The following TBC1D7 variants were observed in gnomAD, a reference collection of about 807,000 sequenced individuals.
TBC1D7 encodes TBC domain family 7.
In TBC1D7, 33 loss-of-function variants were observed where a neutral mutation model predicts 35.3. The observed-to-expected ratio is 0.93, with a 90% CI of 0.71 to 1.25. The LOEUF (loss-of-function observed/expected upper bound fraction) is 1.25. Ranked by LOEUF, TBC1D7 falls within the 50% of genes most tolerant of loss-of-function variation. TBC1D7 has a pLI of 0.00. For synonymous variants in TBC1D7, 135 were observed against 129.5 expected, an observed-to-expected ratio of 1.04 and a Z score of -0.29; for missense variants, 362 against 365.3, an observed-to-expected ratio of 0.99 and a Z score of 0.07.
intron 4 of TBC1D7, among the ~76,000 whole-genome samples, chr6:13,317,048 A>G (rs1266833957): frequency 6.6e-6 from 1 of 152,224 alleles, no homozygotes; most frequent in Admixed American, 6.5e-5. Context: ...CTAGGTGAGG[A>G]TATCTTTGAA....
chr6:13,321,047 CGATA>C lies in TBC1D7; in HGVS notation c.238_241del (p.Tyr80ValfsTer12), dbSNP rs778108464. ...AAGGACATCCAAGTACTGCTCCTTACGATACATCATCACCTTGGCATGGGACTCG... is the reference window on the plus strand; with the variant it reads ...AAGGACATCCAAGTACTGCTCCTTACCATCATCACCTTGGCATGGGACTCG... On this transcript the variant is annotated frameshift_variant, in exon 4 of 8. Coordinates refer to ENST00000379300, the MANE Select transcript of TBC1D7 (RefSeq NM_016495.6). LOFTEE classifies it high-confidence loss of function. 2 of 1,614,080 alleles carry C rather than the reference CGATA, an allele frequency of 1.2e-6. No individual in the cohort carries two copies. Among genetic ancestry groups the C allele is most frequent in the East Asian group, 4.5e-5 (2 of 44,880 alleles).
chr6:13,325,458 T>C (rs1470974273), intron 2 of TBC1D7, among the ~76,000 whole-genome samples: 2 of 151,928 alleles, frequency 1.3e-5, no homozygotes, highest in Non-Finnish European at 2.9e-5. Context: ...AGGTCAGGAG[T>C]TTGGGACCAG....
chr6:13,321,157 A>T, intron 3 of TBC1D7, 62 bp from the exon 4 acceptor site: 1 of 1,464,208 alleles, frequency 6.8e-7, no homozygotes, highest in Non-Finnish European at 9.3e-7. Flanking sequence ...CAAATCCCTC[A>T]TCTATGAAAG....
chr6:13,305,533 A>G (rs1378532239), intron 7 of TBC1D7: 4 of 331,116 alleles, frequency 1.2e-5, no homozygotes, highest in Non-Finnish European at 2.3e-5. Flanking sequence ...AATACTTAGC[A>G]CAGGCTTCGC....
chr6:13,320,674 T>C (rs1307247077), intron 4 of TBC1D7: 2 of 649,666 alleles, frequency 3.1e-6, no homozygotes, highest in Admixed American at 2.4e-5. Flanking sequence ...TCTTGCAACT[T>C]TTCTGGAAGT....
Position 13,326,916 on chromosome 6 carries a change from G to T in TBC1D7, c.-8-10C>A. ...TCAGTCATATTTCATTCTTGGAGGA[G>T]ACACAGAAAGACAGAAAGGGAGAGA... On this transcript the variant is annotated splice_polypyrimidine_tract_variant and intron_variant, in intron 1 of 7. Coordinates refer to ENST00000379300, the MANE Select transcript of TBC1D7 (RefSeq NM_016495.6). 1 of 1,460,746 alleles carries T rather than the reference G, an allele frequency of 6.8e-7. No individual in the cohort carries two copies. Among genetic ancestry groups the T allele is most frequent in the Non-Finnish European group, 9.5e-7 (1 of 1,052,026 alleles). 90.5% of individuals were successfully genotyped at this position (1,460,746 alleles called of 1,614,324 possible). A position where few individuals can be genotyped will look rare whatever the true frequency, so the allele number is the denominator to read the frequency against.
intron 5 of TBC1D7, 100 bp from the exon 6 acceptor site, chr6:13,307,845 GA>G (rs1782918606): frequency 7.7e-7 from 1 of 1,291,750 alleles, no homozygotes; most frequent in African/African-American, 1.5e-5. Flanking sequence ...TGAATTCAAG[GA>G]AGTATTAGAA....
chr6:13,316,233 G>T (rs936136331), intron 5 of TBC1D7, among the ~76,000 whole-genome samples: 1 of 152,190 alleles, frequency 6.6e-6, no homozygotes, highest in African/African-American at 2.4e-5. Context: ...GATTACTCTA[G>T]ACCAGCGGAT....
In TBC1D7 at chr6:13,328,520, T is replaced by TGCC. The variant is rs906257246; in HGVS notation, c.-236_-234dup. 7.0e-5 allele frequency: 11 copies of TGCC among 157,928 alleles called. No homozygotes were observed. Among genetic ancestry groups the TGCC allele is most frequent in the East Asian group, 1.9e-4 (1 of 5,266 alleles). The allele number at this position is 157,928 out of a possible 1,614,324, so 9.8% of individuals were successfully genotyped here. A position where few individuals can be genotyped will look rare whatever the true frequency, so the allele number is the denominator to read the frequency against. ...AACTCAGCGCCGCTGCCGCTGCCGC[T>TGCC]GCCGCCGCCGCCGGACGTGACATCA... On this transcript the variant is annotated 5_prime_UTR_variant, in exon 1 of 8. Transcript: ENST00000379300.
intron 4 of TBC1D7, chr6:13,318,331 C>T (rs900492640): frequency 1.3e-5 from 2 of 152,228 alleles, no homozygotes; most frequent in African/African-American, 4.8e-5. Flanking sequence ...AAAACACACA[C>T]TCAGAAGCAC....
intron 5 of TBC1D7, among the ~76,000 whole-genome samples, chr6:13,314,651 A>T (rs892114991): frequency 2.6e-5 from 4 of 152,200 alleles, no homozygotes; most frequent in African/African-American, 4.8e-5. Flanking sequence ...AATTTTACTT[A>T]GTTGAAATAT....
intron 5 of TBC1D7, among the ~76,000 whole-genome samples, chr6:13,314,167 T>C (rs1328778359): frequency 1.3e-5 from 2 of 148,428 alleles, no homozygotes; most frequent in Non-Finnish European, 3.0e-5. Flanking sequence ...ATTGCGCCAC[T>C]GCACTCCCGC....
At chr6:13,327,097 T>G in intron 1 of TBC1D7, 191 bp from the exon 2 acceptor site, 1 of 432,370 alleles carries the variant, frequency 2.3e-6, no homozygotes, top group South Asian at 3.8e-5. Context: ...CACCTATGCA[T>G]CTTGGCTAAA....
At chr6:13,326,483 T>C (rs1292247944) in intron 2 of TBC1D7, among the ~76,000 whole-genome samples, 1 of 143,252 alleles carries the variant, frequency 7.0e-6, no homozygotes, top group Admixed American at 6.9e-5. Context: ...AAAAAGAAAA[T>C]CATGACCAGA....
chr6:13,318,880 A>G (rs902515994), intron 4 of TBC1D7: 1 of 152,236 alleles, frequency 6.6e-6, no homozygotes, highest in Non-Finnish European at 1.5e-5. Flanking sequence ...GGCAAGAATC[A>G]TTAGTGGATG....
At chr6:13,319,297 T>C (rs1194156330) in intron 4 of TBC1D7, 1 of 151,866 alleles carries the variant, frequency 6.6e-6, no homozygotes, top group Non-Finnish European at 1.5e-5. Context: ...CCATCTTTAC[T>C]AAAAATACAA....
At chr6:13,317,779 CCCATGTCGT>C (rs1475516317) in intron 4 of TBC1D7, among the ~76,000 whole-genome samples, 1 of 152,240 alleles carries the variant, frequency 6.6e-6, no homozygotes, top group African/African-American at 2.4e-5. Flanking sequence ...GGGAAGAGGA[CCCATGTCGT>C]CCTTCCTGGC....
chr6:13,316,645 C>G lies in TBC1D7; in HGVS notation c.445G>C (p.Val149Leu), dbSNP rs1235192890. Residue 149 changes from valine to leucine, a missense_variant, in exon 5 of 8, where the codon GTC (valine) becomes CTC (leucine). By Grantham distance (32) the Val-to-Leu change is conservative. Transcript: ENST00000379300. Reference sequence around the variant, plus strand: ...CGTCGGGTGATCCAGTAACAGTCGACACTATCTTCCACCATTTCCTCCATG... The same window carrying G: ...CGTCGGGTGATCCAGTAACAGTCGAGACTATCTTCCACCATTTCCTCCATG... The part of the protein sequence containing the change: ...KAMEEMVEDS[V>L]DCYWITRRFV... 2 of 1,614,092 alleles carry G rather than the reference C, an allele frequency of 1.2e-6. 1 individual carries two copies.
chr6:13,320,865 G>A lies in TBC1D7; in HGVS notation c.381+43C>T, dbSNP rs2496132. 0.25 allele frequency: 391,735 copies of A among 1,585,618 alleles called. 51,672 individuals are homozygous for A. Among genetic ancestry groups the A allele is most frequent in the South Asian group, 0.41 (37,452 of 90,540 alleles). On this transcript the variant is annotated intron_variant, in intron 4 of 7. Transcript: ENST00000379300. ...TAATCAAAGGCCGGCAAGATGGGAC[G>A]GTCTAGAGTTGAGCTTAGTGTCAGA... is the stretch of plus-strand genomic sequence containing the variant.
Sources: allele counts gnomAD v4.1 joint callset (sites outside exome capture counted in the v4.1 genomes callset), GRCh38; gene constraint gnomAD v4.1.1; transcripts MANE v1.5; gene names NCBI Gene and HGNC (gene_info 2026-07-23, HGNC 2026-07-21).